Variants in CTSB observed in about 807,000 individuals in gnomAD.
The protein encoded by CTSB is APP secretase.
A neutral mutation model predicts 44.3 loss-of-function variants in CTSB; 57 were observed. The ratio of observed to expected loss-of-function variants is 1.29; its 90% CI spans 1.04 to 1.60. CTSB has a LOEUF of 1.60. Among genes scored for constraint, CTSB ranks in the 40% most tolerant of loss-of-function variants. The pLI is 0.00. For missense variants in CTSB, 768 were observed against 443.0 expected (o/e 1.73, Z -6.59); for synonymous variants, 320 against 168.0 (o/e 1.91, Z -7.00).
rs896474403 is a variant in CTSB, at chr8:11,844,861, G to A, written c.*264C>T. On this transcript the variant is annotated 3_prime_UTR_variant, in exon 10 of 10. Transcript: ENST00000353047. Reference sequence around the variant, plus strand: ...TCACGGAGGGGGCCACAGTCAGCTGGGGCAGCAGGTACTCCCTACGGCACT... The same window carrying A: ...TCACGGAGGGGGCCACAGTCAGCTGAGGCAGCAGGTACTCCCTACGGCACT... 8.8e-5 allele frequency: 39 copies of A among 442,878 alleles called. No individual in the cohort carries two copies. The highest frequency in any genetic ancestry group is 2.9e-5 in the Non-Finnish European group (7 of 244,698). 27.4% of individuals were successfully genotyped at this position (442,878 alleles called of 1,614,324 possible). A position where few individuals can be genotyped will look rare whatever the true frequency, so the allele number is the denominator to read the frequency against.
Position 11,845,030 on chromosome 8 carries a change from C to G in CTSB, c.*95G>C, listed in dbSNP as rs1342167331. 3.6e-6 allele frequency: 3 copies of G among 841,950 alleles called. No individual in the cohort carries two copies. Among genetic ancestry groups the G allele is most frequent in the African/African-American group, 3.4e-5 (2 of 59,548 alleles). The allele number at this position is 841,950 out of a possible 1,614,324, so 52.2% of individuals were successfully genotyped here. A position where few individuals can be genotyped will look rare whatever the true frequency, so the allele number is the denominator to read the frequency against. ...TTTGGCCAATCCAGTCCTTCAGACC[C>G]TGTCTGAAACTTGTATCTTACGTGA... On this transcript the variant is annotated 3_prime_UTR_variant, in exon 10 of 10. Coordinates refer to ENST00000353047, the MANE Select transcript of CTSB (RefSeq NM_001908.5).
chr8:11,853,672 T>C, intron 1 of CTSB, 193 bp from the exon 2 acceptor site: 1 of 525,234 alleles, frequency 1.9e-6, no homozygotes, highest in Non-Finnish European at 3.3e-6. Flanking sequence ...CTCGTGTGGG[T>C]CCCCGGGGGC....
chr8:11,845,511 CCTGA>C, intron 9 of CTSB, 146 bp downstream of exon 9: 1 of 947,192 alleles, frequency 1.1e-6, no homozygotes, highest in Non-Finnish European at 1.5e-6. Flanking sequence ...AAAGGGAACT[CCTGA>C]CTGCCTGGCA....
rs562472898 is a variant in CTSB at position 11,848,091 on chromosome 8, C to G, written c.508G>C (p.Gly170Arg). ...CCTACATGGGATTCATAGAGGCCAC[C>G]AGAAACCAGGCCTTTTCTTGTCCAG... ...NFWTRKGLVS[G>R]GLYESHVGCR... Residue 170 changes from glycine (G) to arginine (R), a missense_variant, in exon 6 of 10, where the codon GGT becomes CGT. By Grantham distance (125) the Gly-to-Arg change is moderately radical. Coordinates refer to ENST00000353047, the MANE Select transcript of CTSB (RefSeq NM_001908.5). The G allele has an allele frequency of 6.2e-7, 1 of 1,613,920 alleles. No homozygotes were observed. The highest frequency in any genetic ancestry group is 2.2e-5 in the East Asian group (1 of 44,892).
intron 4 of CTSB, 155 bp downstream of exon 4, chr8:11,850,711 G>C (rs1047384377): frequency 1.8e-6 from 1 of 551,102 alleles, no homozygotes; most frequent in African/African-American, 1.9e-5. Flanking sequence ...TTCATGGCCA[G>C]AGGGATTGTG....
At chr8:11,853,708 G>A in intron 1 of CTSB, 1 of 477,074 alleles carries the variant, frequency 2.1e-6, no homozygotes, top group Non-Finnish European at 3.8e-6. Context: ...CAGAGAGAGA[G>A]CCAAGGGGCT....
chr8:11,858,517 T>C (rs1355519168), intron 1 of CTSB, among the ~76,000 whole-genome samples: 1 of 152,214 alleles, frequency 6.6e-6, no homozygotes, highest in South Asian at 2.1e-4. Context: ...CTCAAACTCC[T>C]GGACTCAAGT....
rs779328876 is a variant in CTSB, at chr8:11,848,427, G to A, written c.447-275C>T. On this transcript the variant is annotated intron_variant, in intron 5 of 9. Coordinates refer to ENST00000353047, the MANE Select transcript of CTSB (RefSeq NM_001908.5). Reference sequence around the variant, plus strand: ...ATGTCCATACCAGACCAGGCTACGAGTGCCCTTCCGGGTAGAACACTGATT... The same window carrying A: ...ATGTCCATACCAGACCAGGCTACGAATGCCCTTCCGGGTAGAACACTGATT... The A allele has an allele frequency of 5.3e-5, 30 of 566,960 alleles. 1 individual carries two copies. Among genetic ancestry groups the A allele is most frequent in the South Asian group, 4.9e-4 (30 of 60,988 alleles). The allele number at this position is 566,960 out of a possible 1,614,324, so 35.1% of individuals were successfully genotyped here. A position where few individuals can be genotyped will look rare whatever the true frequency, so the allele number is the denominator to read the frequency against.
intron 1 of CTSB, among the ~76,000 whole-genome samples, chr8:11,863,453 G>C (rs950686235): frequency 8.0e-5 from 12 of 150,210 alleles, no homozygotes; most frequent in African/African-American, 2.7e-4. Context: ...GTGAGACTCC[G>C]TTTCAAAAAA....
At chr8:11,851,054 G>C (rs537460471) in intron 3 of CTSB, 74 bp from the exon 4 acceptor site, 11 of 1,035,244 alleles carry the variant, frequency 1.1e-5, no homozygotes, top group African/African-American at 9.4e-5. Context: ...AGGCCACTTT[G>C]GCTGGGCCAC....
chr8:11,848,066 C>G lies in CTSB; in HGVS notation c.532+1G>C, dbSNP rs766059275. 6.2e-7 allele frequency: 1 copy of G among 1,610,768 alleles called. No homozygotes were observed. The highest frequency in any genetic ancestry group is 8.5e-7 in the Non-Finnish European group (1 of 1,177,746). The stretch of plus-strand genomic sequence containing the variant: ...GAAAGTGGCCAAGGGGACACACTTA[C>G]CTACATGGGATTCATAGAGGCCACC... On this transcript the variant is annotated splice_donor_variant, in intron 6 of 9. Transcript: ENST00000353047. LOFTEE classifies it high-confidence loss of function.
In CTSB at chr8:11,848,642, G is replaced by A. The variant is rs116738904; in HGVS notation, c.446+404C>T. 7.8e-3 allele frequency: 2,378 copies of A among 305,636 alleles called. 57 individuals are homozygous for A. The highest frequency in any genetic ancestry group is 0.047 in the African/African-American group (2,208 of 46,606). 18.9% of individuals were successfully genotyped at this position (305,636 alleles called of 1,614,324 possible). Reference sequence around the variant, plus strand: ...ACTGCGGAACCAAGGCGAGGCTGCAGGCAGCTGGAGCAGAAAGTTCTGTGC... The same window carrying A: ...ACTGCGGAACCAAGGCGAGGCTGCAAGCAGCTGGAGCAGAAAGTTCTGTGC... On this transcript the variant is annotated intron_variant, in intron 5 of 9. Coordinates refer to ENST00000353047, the MANE Select transcript of CTSB (RefSeq NM_001908.5).
chr8:11,846,062 T>G (rs1813266986), intron 8 of CTSB: 6 of 281,446 alleles, frequency 2.1e-5, no homozygotes. Flanking sequence ...TCTAATACAT[T>G]CTAATTGATA....
chr8:11,864,107 G>C (rs1338571087), intron 1 of CTSB, among the ~76,000 whole-genome samples: 1 of 152,070 alleles, frequency 6.6e-6, no homozygotes, highest in Non-Finnish European at 1.5e-5. Context: ...GAGTGAAAAA[G>C]GATCCATGTA....
chr8:11,856,274 C>T (rs1271773260), intron 1 of CTSB, among the ~76,000 whole-genome samples: 2 of 151,806 alleles, frequency 1.3e-5, no homozygotes, highest in African/African-American at 4.8e-5. Flanking sequence ...ATCAAGTATC[C>T]AATAACAGAG....
At position 11,852,593 on chromosome 8, in the gene CTSB, G is replaced by C. The variant is rs371673191; in HGVS notation, c.212+17C>G. On this transcript the variant is annotated intron_variant, in intron 3 of 9. Coordinates refer to ENST00000353047, the MANE Select transcript of CTSB (RefSeq NM_001908.5). Reference sequence around the variant, plus strand: ...CTGCCACTCACATTACAGCGGTGCAGAGGAGCAGGCACTCACCTCTGGGGT... The same window carrying C: ...CTGCCACTCACATTACAGCGGTGCACAGGAGCAGGCACTCACCTCTGGGGT... 2.5e-6 allele frequency: 4 copies of C among 1,606,852 alleles called. No individual in the cohort carries two copies. Among genetic ancestry groups the C allele is most frequent in the Non-Finnish European group, 3.4e-6 (4 of 1,174,698 alleles).
At chr8:11,854,241 G>T (rs773604005) in intron 1 of CTSB, among the ~76,000 whole-genome samples, 1 of 152,146 alleles carries the variant, frequency 6.6e-6, no homozygotes, top group African/African-American at 2.4e-5. Flanking sequence ...GAGCCGCGGC[G>T]CGGGGAGCTG....
intron 1 of CTSB, among the ~76,000 whole-genome samples, chr8:11,855,521 T>C (rs1215274271): frequency 6.6e-6 from 1 of 152,064 alleles, no homozygotes; most frequent in Non-Finnish European, 1.5e-5. Flanking sequence ...AAAAAGGTAA[T>C]GCTGGAGGAA....
At chr8:11,867,482 CA>C (rs1817327798) in intron 1 of CTSB, 1 of 152,302 alleles carries the variant, frequency 6.6e-6, no homozygotes, top group Non-Finnish European at 1.5e-5. Context: ...TCTGGGGTCC[CA>C]GGAATTGCGT....
Sources: allele counts gnomAD v4.1 joint callset (sites outside exome capture counted in the v4.1 genomes callset), GRCh38; gene constraint gnomAD v4.1.1; transcripts MANE v1.5; gene names NCBI Gene and HGNC (gene_info 2026-07-23, HGNC 2026-07-21).